The following UGGT2 variants were observed in gnomAD, a reference collection of about 807,000 sequenced individuals.
UGGT2 encodes the protein UDP-glucose glycoprotein glucosyltransferase 2, also known as UDP-glucose:glycoprotein glucosyltransferase 2.
Under a neutral mutation model 192.1 loss-of-function variants are expected in UGGT2, and 180 were observed. The observed-to-expected ratio is 0.94, with a 90% CI of 0.83 to 1.06. The LOEUF (loss-of-function observed/expected upper bound fraction) is 1.06, where lower values mean the gene tolerates loss of function less well. Among genes scored for constraint, UGGT2 ranks in the 50% least tolerant of loss-of-function variants. The probability of loss-of-function intolerance (pLI) is 0.00; values close to 1 mark genes in which losing one functional copy is unlikely to be tolerated. For synonymous variants in UGGT2, 580 were observed against 591.0 expected (o/e 0.98, Z 0.27); for missense variants, 1,849 against 1,795.7 (o/e 1.03, Z -0.54).
At chr13:95,819,250 C>A (rs533708543) in intron 38 of UGGT2, among the ~76,000 whole-genome samples, 62 of 152,250 alleles carry the variant, frequency 4.1e-4, no homozygotes, top group Middle Eastern at 3.4e-3. Flanking sequence ...CTTTCAACAT[C>A]ACTTGACTGC....
chr13:95,825,130 A>G (rs1332603394), intron 38 of UGGT2, among the ~76,000 whole-genome samples: 2 of 152,092 alleles, frequency 1.3e-5, no homozygotes, highest in East Asian at 1.9e-4. Flanking sequence ...GCTATCTCCT[A>G]TGGAATTGTA....
intron 5 of UGGT2, among the ~76,000 whole-genome samples, chr13:96,005,857 A>C (rs917860745): frequency 1.3e-5 from 2 of 152,222 alleles, no homozygotes; most frequent in Non-Finnish European, 2.9e-5. Flanking sequence ...GAGCTGTACA[A>C]AGGGAAGATC....
chr13:96,028,906 G>T (rs1566840740), intron 2 of UGGT2, among the ~76,000 whole-genome samples: 1 of 152,102 alleles, frequency 6.6e-6, no homozygotes, highest in Non-Finnish European at 1.5e-5. Flanking sequence ...AGAACTTTGG[G>T]AGGCCGAGGT....
At chr13:95,924,272 G>C (rs1015333028) in intron 20 of UGGT2, among the ~76,000 whole-genome samples, 1 of 151,570 alleles carries the variant, frequency 6.6e-6, no homozygotes, top group Non-Finnish European at 1.5e-5. Flanking sequence ...TAGACACATT[G>C]AAACAACTGG....
Position 95,860,844 on chromosome 13 carries a change from T to C in UGGT2, c.3684A>G (p.Lys1228=). 1 of 1,568,622 alleles carries C rather than the reference T, an allele frequency of 6.4e-7. No homozygotes were observed. The highest frequency in any genetic ancestry group is 8.6e-7 in the Non-Finnish European group (1 of 1,159,044). Reference sequence around the variant, plus strand: ...CAACTGAAAAAATGTTTAGGACATCTTTTTCCTTTTTGTTTTCTTTATGCA... The same window carrying C: ...CAACTGAAAAAATGTTTAGGACATCCTTTTCCTTTTTGTTTTCTTTATGCA... ...VSLHKENKKE[K]DVLNIFSVAS... Residue 1228 remains lysine, a synonymous_variant, in exon 32 of 39, where the codon AAA becomes AAG. Transcript: ENST00000376747.
In UGGT2 at chr13:95,937,014, T is replaced by G. The variant is rs556110011; in HGVS notation, c.1887A>C (p.Lys629Asn). 6.8e-6 allele frequency: 11 copies of G among 1,607,420 alleles called. No homozygotes were observed. In the South Asian group the frequency reaches 1.2e-4, roughly 18 times the overall value. ...PQALYNGEPFKHEEMNIKELK... is the reference protein window; with the variant it reads ...PQALYNGEPFNHEEMNIKELK... ...GTTCTTTAATATTCATCTCTTCATG[T>G]TTAAAGGGTTCACCATTATAAAGAG... is the stretch of plus-strand genomic sequence containing the variant. Residue 629 changes from lysine to asparagine, a missense_variant, in exon 17 of 39, where the codon AAA becomes AAC. By Grantham distance (94) the Lys-to-Asn change is moderately conservative (BLOSUM62 0). Transcript: ENST00000376747.
At chr13:95,999,396 A>C in intron 5 of UGGT2, 89 bp from the exon 6 acceptor site, 3 of 1,181,574 alleles carry the variant, frequency 2.5e-6, no homozygotes, top group Non-Finnish European at 3.7e-6. Flanking sequence ...TTTGGACATA[A>C]GGGTAAATTA....
chr13:95,967,317 T>C (rs1165465366), intron 12 of UGGT2, among the ~76,000 whole-genome samples: 5 of 151,586 alleles, frequency 3.3e-5, no homozygotes, highest in Non-Finnish European at 7.4e-5. Flanking sequence ...CACACCCAGC[T>C]AATTTTTGTA....
At position 95,949,384 on chromosome 13, in the gene UGGT2, G is replaced by A. The variant is rs769057412; in HGVS notation, c.1406C>T (p.Pro469Leu). 9 of 1,582,368 alleles carry A rather than the reference G, an allele frequency of 5.7e-6. No individual in the cohort carries two copies. In the Admixed American group the frequency reaches 1.0e-4, roughly 18 times the overall value. The change falls in exon 13 of 39, where the codon CCA (proline) becomes CTA (leucine). Residue 469 changes from proline to leucine, a missense_variant. Pro to Leu is a moderately conservative substitution (Grantham distance 98, BLOSUM62 -3). Transcript: ENST00000376747. Reference protein sequence around the residue: ...WPTSCQKLLKPVFPGSVPSIR... With the variant: ...WPTSCQKLLKLVFPGSVPSIR... ...GGAAGGTACACTTCCAGGAAATACT[G>A]GCTTCAGAAGTTTCTGGCAACTTGT...
At chr13:96,051,046 G>A (rs1371247627) in intron 1 of UGGT2, among the ~76,000 whole-genome samples, 8 of 152,042 alleles carry the variant, frequency 5.3e-5, no homozygotes, top group Admixed American at 2.6e-4. Context: ...TGTTTATTGC[G>A]GCACTATTCA....
intron 2 of UGGT2, 92 bp from the exon 3 acceptor site, chr13:96,023,851 T>TAGGGA (rs2052588047): frequency 2.8e-6 from 3 of 1,089,016 alleles, no homozygotes; most frequent in Non-Finnish European, 3.7e-6. Flanking sequence ...TAATGTCATA[T>TAGGGA]AATCATATCT....
At chr13:95,890,680 C>G (rs1226314914) in intron 25 of UGGT2, among the ~76,000 whole-genome samples, 182 bp downstream of exon 25, 1 of 152,160 alleles carries the variant, frequency 6.6e-6, no homozygotes, top group Non-Finnish European at 1.5e-5. Context: ...CACCTAACCT[C>G]AGCACAGTCA....
chr13:95,833,102 C>T (rs776568125), intron 37 of UGGT2, 49 bp from the exon 38 acceptor site: 5 of 1,593,556 alleles, frequency 3.1e-6, no homozygotes, highest in African/African-American at 1.3e-5. Context: ...CTCCTGGAAA[C>T]ATAAGGACAA....
intron 4 of UGGT2, among the ~76,000 whole-genome samples, chr13:96,022,032 G>A (rs6492828): frequency 0.39 from 59,007 of 151,740 alleles, 11,693 homozygotes; most frequent in Middle Eastern, 0.44. Flanking sequence ...GGAAAAAAGA[G>A]CCACAATGAA....
intron 29 of UGGT2, among the ~76,000 whole-genome samples, chr13:95,874,679 T>A (rs1891509891): frequency 6.6e-6 from 1 of 151,514 alleles, no homozygotes. Context: ...TTCCTCCCCA[T>A]CCCCTTCCTT....
intron 12 of UGGT2, among the ~76,000 whole-genome samples, chr13:95,965,323 A>G (rs1259507444): frequency 2.0e-5 from 3 of 150,702 alleles, no homozygotes; most frequent in Admixed American, 6.6e-5. Context: ...TCACAATAGC[A>G]AAGACTTGGA....
At chr13:95,951,426 A>G (rs1317931930) in intron 12 of UGGT2, among the ~76,000 whole-genome samples, 1 of 152,216 alleles carries the variant, frequency 6.6e-6, no homozygotes. Context: ...TCTAGCCCCA[A>G]AGGGGAAACA....
chr13:95,965,803 C>T (rs9562003), intron 12 of UGGT2, among the ~76,000 whole-genome samples: 58,364 of 151,812 alleles, frequency 0.38, 11,643 homozygotes, highest in Middle Eastern at 0.45. Context: ...TGTTCAACAT[C>T]ACTAATTATT....
chr13:95,960,396 C>T (rs1459140148), intron 12 of UGGT2, among the ~76,000 whole-genome samples: 1 of 152,082 alleles, frequency 6.6e-6, no homozygotes, highest in Admixed American at 6.5e-5. Context: ...ATAGAAAATT[C>T]ATTGAATGAC....
Sources: gnomAD v4.1 joint callset for allele counts (sites outside exome capture counted in the v4.1 genomes callset) on GRCh38, gnomAD v4.1.1 for gene constraint, MANE v1.5 for transcripts, NCBI Gene and HGNC (gene_info 2026-07-23, HGNC 2026-07-21) for gene names.